The following DEF6 variants were observed in gnomAD, a reference collection of about 807,000 sequenced individuals.
The protein encoded by DEF6 is DEF6 guanine nucleotide exchange factor.
A neutral mutation model predicts 80.5 loss-of-function variants in DEF6; 32 were observed. The ratio of observed to expected loss-of-function variants is 0.40; its 90% CI spans 0.30 to 0.53. DEF6 has a LOEUF of 0.53. DEF6 is among the 20% of genes least tolerant of loss of function. The pLI is 0.57. For synonymous variants in DEF6, 300 were observed against 337.9 expected (o/e 0.89, Z 1.23); for missense variants, 575 against 818.7 (o/e 0.70, Z 3.63).
At position 35,316,055 on chromosome 6, in the gene DEF6, GAC is replaced by G. The variant is rs754247967; in HGVS notation, c.808-1834_808-1833del. ...TTTTTTTTTTTGTATTTTTAGTAGA[GAC>G]AGCATTTCACCGTGTTGGCCAGGCT... On this transcript the variant is annotated intron_variant, in intron 5 of 10. Coordinates refer to ENST00000316637, the MANE Select transcript of DEF6 (RefSeq NM_022047.4). The G allele has an allele frequency of 7.9e-5, 13 of 164,234 alleles. No homozygotes were observed. In the South Asian group the frequency reaches 1.5e-3, roughly 19 times the overall value. The allele number at this position is 164,234 out of a possible 1,614,324, so 10.2% of individuals were successfully genotyped here. A position where few individuals can be genotyped will look rare whatever the true frequency, so the allele number is the denominator to read the frequency against.
chr6:35,301,956 A>G (rs944826340), intron 1 of DEF6, among the ~76,000 whole-genome samples: 1 of 152,012 alleles, frequency 6.6e-6, no homozygotes, highest in African/African-American at 2.4e-5. Flanking sequence ...TGAACTCCTG[A>G]CCTCAGGTGA....
chr6:35,315,114 G>T (rs1791509775), intron 5 of DEF6, among the ~76,000 whole-genome samples: 1 of 152,154 alleles, frequency 6.6e-6, no homozygotes, highest in African/African-American at 2.4e-5. Context: ...TATCTATTCT[G>T]TTCCATTGGT....
chr6:35,308,371 A>G (rs1047978945), intron 1 of DEF6, among the ~76,000 whole-genome samples: 1 of 143,978 alleles, frequency 6.9e-6, no homozygotes, highest in African/African-American at 2.5e-5. Context: ...GTCTCTACCG[A>G]AAAAAAAAAA....
intron 10 of DEF6, 39 bp from the exon 11 acceptor site, chr6:35,321,148 C>A (rs1290084574): frequency 1.2e-6 from 2 of 1,603,062 alleles, no homozygotes; most frequent in Non-Finnish European, 1.7e-6. Context: ...CTCACCTTTG[C>A]ATGCCTTTCT....
intron 1 of DEF6, among the ~76,000 whole-genome samples, chr6:35,304,640 T>C (rs1791367578): frequency 6.6e-6 from 1 of 152,148 alleles, no homozygotes; most frequent in Admixed American, 6.5e-5. Flanking sequence ...CTGAAAATTA[T>C]GGGAAACCAT....
At chr6:35,310,031 G>A (rs1791442659) in intron 2 of DEF6, among the ~76,000 whole-genome samples, 1 of 148,578 alleles carries the variant, frequency 6.7e-6, no homozygotes, top group Non-Finnish European at 1.5e-5. Flanking sequence ...TCTCTAATGA[G>A]GTGGGCCCCA....
chr6:35,319,920 A>G lies in DEF6; in HGVS notation c.1484A>G (p.Gln495Arg), dbSNP rs1456745709. 2.5e-6 allele frequency: 4 copies of G among 1,571,104 alleles called. No individual in the cohort carries two copies. Among genetic ancestry groups the G allele is most frequent in the Non-Finnish European group, 3.5e-6 (4 of 1,157,802 alleles). The change falls in exon 9 of 11, where the codon CAG (glutamine) becomes CGG (arginine). Residue 495 changes from glutamine to arginine, a missense_variant. Physicochemically the swap from Gln to Arg is conservative, Grantham distance 43. Coordinates refer to ENST00000316637, the MANE Select transcript of DEF6 (RefSeq NM_022047.4). This position sits in a 1 kb window ranked among gnomAD's most constrained non-coding sequence, Gnocchi z 4.5. ...GCGCAGCAGGAGAAGGAAGAGCTGC[A>G]GCAGGAGATGGCACAGCAGAGCCGC... is the stretch of plus-strand genomic sequence containing the variant. ...ERAQQEKEEL[Q>R]QEMAQQSRSL...
intron 1 of DEF6, among the ~76,000 whole-genome samples, chr6:35,305,196 A>G (rs1791373076): frequency 6.8e-6 from 1 of 147,710 alleles, no homozygotes; most frequent in Non-Finnish European, 1.5e-5. Context: ...CTCAGGCTGG[A>G]GTTCAGTGGC....
Position 35,319,453 on chromosome 6 carries a change from AC to A in DEF6, c.1216-66del. On this transcript the variant is annotated intron_variant, in intron 7 of 10. Transcript: ENST00000316637. The surrounding 1 kb of genome is among the most constrained non-coding windows in gnomAD (Gnocchi z 4.5). ...CCCTAGGCAGCTTAGCAACATGCCC[AC>A]CCCCTCCTCCTCCGCCCCCACGTGC... 1.4e-6 allele frequency: 1 copy of A among 720,400 alleles called. No homozygotes were observed. The highest frequency in any genetic ancestry group is 2.2e-6 in the Non-Finnish European group (1 of 460,640). 44.6% of individuals were successfully genotyped at this position (720,400 alleles called of 1,614,324 possible).
chr6:35,310,878 C>G (rs1330882632), intron 3 of DEF6, among the ~76,000 whole-genome samples: 1 of 152,210 alleles, frequency 6.6e-6, no homozygotes, highest in Non-Finnish European at 1.5e-5. Context: ...GAGGGTTCTG[C>G]TGGTCCTCAC....
rs571675776 is a variant in DEF6 at position 35,300,495 on chromosome 6, A to G, written c.96+2543A>G. ...CTGGGCAAACCCACGATGAGGCCAG[A>G]GGGTAGGAGGAAGAACAGCACGTCC... On this transcript the variant is annotated intron_variant, in intron 1 of 10. Coordinates refer to ENST00000316637, the MANE Select transcript of DEF6 (RefSeq NM_022047.4). 2.6e-5 allele frequency among the ~76,000 whole-genome samples: 4 copies of G among 152,320 alleles called. No individual in the cohort carries two copies. The South Asian group carries it at 6.2e-4, about 24-fold the overall frequency.
At position 35,297,972 on chromosome 6, in the gene DEF6, C is replaced by T. The variant is rs375513708; in HGVS notation, c.96+20C>T. Reference sequence around the variant, plus strand: ...CTCAAGGTGAGGGGCACCCGGGACCCGGGGGAGGACGGCAGATGCACCACA... The same window carrying T: ...CTCAAGGTGAGGGGCACCCGGGACCTGGGGGAGGACGGCAGATGCACCACA... On this transcript the variant is annotated intron_variant, in intron 1 of 10. Transcript: ENST00000316637. 1.3e-5 allele frequency: 21 copies of T among 1,569,848 alleles called. No individual in the cohort carries two copies. The highest frequency in any genetic ancestry group is 1.2e-4 in the African/African-American group (9 of 74,274).
At position 35,305,791 on chromosome 6, in the gene DEF6, T is replaced by C. The variant is rs914931622; in HGVS notation, c.97-3879T>C. Among the ~76,000 whole-genome samples, 3 of 152,234 alleles carry C rather than the reference T, an allele frequency of 2.0e-5. 1 individual carries two copies. The highest frequency in any genetic ancestry group is 1.9e-4 in the East Asian group (1 of 5,202). On this transcript the variant is annotated intron_variant, in intron 1 of 10. Transcript: ENST00000316637. ...TTTCGCCATGCTGGCCAGGCTGGTG[T>C]TGAACTCCTGACCTCAAGTGATCCG...
rs1791487801 is a variant in DEF6 at position 35,312,969 on chromosome 6, T to C, written c.807+197T>C. Reference sequence around the variant, plus strand: ...CCACGTCAGCACTTAAAACTAAAACTGCAACTCAAGCACCAAAGTAATTGG... The same window carrying C: ...CCACGTCAGCACTTAAAACTAAAACCGCAACTCAAGCACCAAAGTAATTGG... On this transcript the variant is annotated intron_variant, in intron 5 of 10. Coordinates refer to ENST00000316637, the MANE Select transcript of DEF6 (RefSeq NM_022047.4). The surrounding 1 kb of genome is among the most constrained non-coding windows in gnomAD (Gnocchi z 6.6). Among the ~76,000 whole-genome samples the C allele has an allele frequency of 6.6e-6, 1 of 152,174 alleles. No homozygotes were observed. The highest frequency in any genetic ancestry group is 6.5e-5 in the Admixed American group (1 of 15,274).
intron 1 of DEF6, among the ~76,000 whole-genome samples, chr6:35,305,297 C>T (rs113415275): frequency 0.013 from 2,025 of 150,894 alleles, 17 homozygotes; most frequent in African/African-American, 0.025. Flanking sequence ...AGGAGTGTGC[C>T]GCCACACCCG....
At chr6:35,303,057 A>C (rs1582226869) in intron 1 of DEF6, among the ~76,000 whole-genome samples, 2 of 150,452 alleles carry the variant, frequency 1.3e-5, no homozygotes, top group African/African-American at 2.5e-5. Context: ...CCCTCTCTCC[A>C]CCCCCAACCC....
chr6:35,319,762 G>A lies in DEF6; in HGVS notation c.1383-57G>A. ...ACACACCCCAGTTTTCCTGCTTGCTGTGCACCTGCAAGGTGCCTTGGCACT... is the reference window on the plus strand; with the variant it reads ...ACACACCCCAGTTTTCCTGCTTGCTATGCACCTGCAAGGTGCCTTGGCACT... On this transcript the variant is annotated intron_variant, in intron 8 of 10. Coordinates refer to ENST00000316637, the MANE Select transcript of DEF6 (RefSeq NM_022047.4). This position sits in a 1 kb window ranked among gnomAD's most constrained non-coding sequence, Gnocchi z 4.5. The A allele has an allele frequency of 6.2e-7, 1 of 1,610,934 alleles. No homozygotes were observed. Among genetic ancestry groups the A allele is most frequent in the Non-Finnish European group, 8.5e-7 (1 of 1,177,892 alleles).
rs554864567 is a variant in DEF6, at chr6:35,310,661, C to T, written c.423+17C>T. 10 of 1,613,900 alleles carry T rather than the reference C, an allele frequency of 6.2e-6. No individual in the cohort carries two copies. In the African/African-American group the frequency reaches 9.3e-5, roughly 15 times the overall value. On this transcript the variant is annotated intron_variant, in intron 3 of 10. Coordinates refer to ENST00000316637, the MANE Select transcript of DEF6 (RefSeq NM_022047.4). ...CCTGATGAGGTGAGGGTGATGGCAG[C>T]CCCAGGGACTGAATCACTTGGGACC...
intron 1 of DEF6, among the ~76,000 whole-genome samples, chr6:35,308,552 A>G (rs1435211421): frequency 6.6e-6 from 1 of 152,080 alleles, no homozygotes; most frequent in East Asian, 1.9e-4. Context: ...GGGTGCCTGT[A>G]ATCCCAGCTA....
Sources: gnomAD v4.1 joint callset for allele counts (sites outside exome capture counted in the v4.1 genomes callset) on GRCh38, gnomAD v4.1.1 for gene constraint, Gnocchi (gnomAD v3.1) non-coding constraint, MANE v1.5 for transcripts, NCBI Gene and HGNC (gene_info 2026-07-23, HGNC 2026-07-21) for gene names.